The following DNAJC8 variants were observed in gnomAD, a reference collection of about 807,000 sequenced individuals.
DNAJC8 encodes the protein dnaJ homolog subfamily C member 8.
DNAJC8 carries 24 observed loss-of-function variants against 43.2 expected under a neutral mutation model. The ratio of observed to expected loss-of-function variants is 0.56; its 90% CI spans 0.40 to 0.78. The LOEUF (loss-of-function observed/expected upper bound fraction) is 0.78. Among genes scored for constraint, DNAJC8 ranks in the 30% least tolerant of loss-of-function variants. The pLI is 0.00. For synonymous variants in DNAJC8, 83 were observed against 98.0 expected, an observed-to-expected ratio of 0.85 and a Z score of 0.90; for missense variants, 207 against 299.4, an observed-to-expected ratio of 0.69 and a Z score of 2.28.
At chr1:28,211,917 A>G (rs1176780109) in intron 3 of DNAJC8, among the ~76,000 whole-genome samples, 1 of 151,796 alleles carries the variant, frequency 6.6e-6, no homozygotes, top group Non-Finnish European at 1.5e-5. Context: ...GCACTTTGGA[A>G]GGCTGAGGCT....
chr1:28,210,687 C>T, intron 3 of DNAJC8, 50 bp from the exon 4 acceptor site: 1 of 1,475,188 alleles, frequency 6.8e-7, no homozygotes, highest in South Asian at 1.1e-5. Context: ...CATTTACTAA[C>T]TTCCAGCCTG....
chr1:28,205,424 T>A, intron 6 of DNAJC8, 75 bp from the exon 7 acceptor site: 1 of 1,129,222 alleles, frequency 8.9e-7, no homozygotes, highest in Non-Finnish European at 1.3e-6. Flanking sequence ...TACTTTCACC[T>A]GGAGTCCAAG....
chr1:28,224,744 C>T (rs1208811434), intron 2 of DNAJC8, among the ~76,000 whole-genome samples: 3 of 152,012 alleles, frequency 2.0e-5, no homozygotes, highest in African/African-American at 4.8e-5. Context: ...ATTAGCAGGG[C>T]ATGGTGGCAC....
At chr1:28,219,869 G>A (rs559597733) in intron 2 of DNAJC8, among the ~76,000 whole-genome samples, 1 of 152,158 alleles carries the variant, frequency 6.6e-6, no homozygotes, top group South Asian at 2.1e-4. Context: ...TAGAGATGGG[G>A]TTTCACCATG....
chr1:28,211,179 A>G (rs2149016918), intron 3 of DNAJC8, among the ~76,000 whole-genome samples: 1 of 152,144 alleles, frequency 6.6e-6, no homozygotes, highest in East Asian at 1.9e-4. Context: ...AAAAACAAAA[A>G]CAAAAACAAA....
Position 28,201,223 on chromosome 1 carries a change from G to C in DNAJC8, c.*25C>G. The C allele has an allele frequency of 6.2e-7, 1 of 1,611,742 alleles. No homozygotes were observed. The highest frequency in any genetic ancestry group is 1.1e-5 in the South Asian group (1 of 90,988). ...CAGGAAGGGAGATAGCAGGGGAAAG[G>C]TTCTGTGCCTGTGACCTTGGGCGGT... On this transcript the variant is annotated 3_prime_UTR_variant, in exon 9 of 9. Transcript: ENST00000263697.
intron 5 of DNAJC8, among the ~76,000 whole-genome samples, chr1:28,209,498 G>A (rs1329985243): frequency 6.6e-6 from 1 of 152,120 alleles, no homozygotes; most frequent in African/African-American, 2.4e-5. Context: ...TCCTTCAACT[G>A]AGTTCTTCCC....
intron 1 of DNAJC8, among the ~76,000 whole-genome samples, chr1:28,230,735 G>A (rs1018459424): frequency 2.6e-5 from 4 of 152,118 alleles, no homozygotes; most frequent in African/African-American, 9.7e-5. Context: ...CCACCTCCTG[G>A]GCTCAAGTCA....
chr1:28,218,884 AG>A, intron 2 of DNAJC8, among the ~76,000 whole-genome samples: 1 of 152,326 alleles, frequency 6.6e-6, no homozygotes, highest in East Asian at 1.9e-4. Context: ...TAAGATTTAC[AG>A]ACGAGGGACT....
chr1:28,230,532 A>G (rs1230264454), intron 1 of DNAJC8, among the ~76,000 whole-genome samples: 1 of 152,240 alleles, frequency 6.6e-6, no homozygotes, highest in Admixed American at 6.5e-5. Flanking sequence ...AACCTGAGCA[A>G]CATGGCAAGA....
chr1:28,216,944 G>A (rs1202078068), intron 2 of DNAJC8, among the ~76,000 whole-genome samples: 1 of 151,490 alleles, frequency 6.6e-6, no homozygotes, highest in African/African-American at 2.4e-5. Flanking sequence ...GAGTAGCTGG[G>A]ATTACAGGCA....
At chr1:28,220,328 C>T (rs1392329319) in intron 2 of DNAJC8, among the ~76,000 whole-genome samples, 4 of 152,196 alleles carry the variant, frequency 2.6e-5, no homozygotes, top group African/African-American at 9.6e-5. Context: ...TCTTTGAAGC[C>T]AGCTTTATAC....
intron 2 of DNAJC8, among the ~76,000 whole-genome samples, chr1:28,225,705 A>T (rs1439520515): frequency 3.6e-5 from 5 of 137,498 alleles, no homozygotes; most frequent in Non-Finnish European, 6.3e-5. Context: ...TTAAATGGTA[A>T]TTTTTTTTTT....
At chr1:28,215,857 C>T (rs1415170945) in intron 2 of DNAJC8, among the ~76,000 whole-genome samples, 1 of 136,560 alleles carries the variant, frequency 7.3e-6, no homozygotes, top group African/African-American at 3.0e-5. Flanking sequence ...CTTCTTTAAA[C>T]AAATAATTTT....
chr1:28,201,764 GAAC>G (rs1646734986), intron 8 of DNAJC8, among the ~76,000 whole-genome samples: 1 of 135,740 alleles, frequency 7.4e-6, no homozygotes, highest in Non-Finnish European at 1.5e-5. Flanking sequence ...ACTCCAGCCT[GAAC>G]AACAAGAGCG....
chr1:28,221,761 A>G (rs935714035), intron 2 of DNAJC8, among the ~76,000 whole-genome samples: 3 of 152,196 alleles, frequency 2.0e-5, no homozygotes, highest in Admixed American at 6.5e-5. Context: ...CCCCAAAATC[A>G]TATCAAAAGT....
intron 8 of DNAJC8, among the ~76,000 whole-genome samples, chr1:28,202,178 G>C (rs752457698): frequency 6.6e-6 from 1 of 152,208 alleles, no homozygotes; most frequent in Non-Finnish European, 1.5e-5. Flanking sequence ...TGAGCTGCAG[G>C]TTGCAAGAGG....
chr1:28,221,999 A>G (rs1646901507), intron 2 of DNAJC8, among the ~76,000 whole-genome samples: 1 of 152,178 alleles, frequency 6.6e-6, no homozygotes, highest in African/African-American at 2.4e-5. Flanking sequence ...AAAGGCAAAC[A>G]CTATGATTCC....
At position 28,208,395 on chromosome 1, in the gene DNAJC8, GT is replaced by G; in HGVS notation, c.417del (p.Lys139AsnfsTer3). On this transcript the variant is annotated frameshift_variant, in exon 6 of 9. Transcript: ENST00000263697. LOFTEE classifies it high-confidence loss of function. ...YVEHTVKERK[K>X]QLKKEGKPTI... The stretch of plus-strand genomic sequence containing the variant: ...GTAGGTTTTCCTTCCTTCTTTAATT[GT>G]TTTTTTCGCTCTTTCACCTAAAAAG... The G allele has an allele frequency of 1.2e-6, 2 of 1,609,816 alleles. No homozygotes were observed. Among genetic ancestry groups the G allele is most frequent in the Non-Finnish European group, 1.7e-6 (2 of 1,177,824 alleles).
Sources: allele counts gnomAD v4.1 joint callset (sites outside exome capture counted in the v4.1 genomes callset), GRCh38; gene constraint gnomAD v4.1.1; transcripts MANE v1.5; gene names NCBI Gene and HGNC (gene_info 2026-07-23, HGNC 2026-07-21).